Variants in MYH15 observed in about 807,000 individuals in gnomAD.
MYH15 encodes myosin heavy chain 15.
Under a neutral mutation model 240.5 loss-of-function variants are expected in MYH15, and 227 were observed. The observed-to-expected ratio is 0.94, with a 90% CI of 0.85 to 1.05. MYH15 has a LOEUF of 1.05. MYH15 is among the 50% of genes least tolerant of loss of function. The pLI is 0.00. For synonymous variants in MYH15, 785 were observed against 796.7 expected (o/e 0.99, Z 0.25); for missense variants, 2,217 against 2,247.5 (o/e 0.99, Z 0.27).
At chr3:108,470,347 A>G in intron 13 of MYH15, 135 bp from the exon 14 acceptor site, 1 of 593,752 alleles carries the variant, frequency 1.7e-6, no homozygotes, top group East Asian at 3.0e-5. Flanking sequence ...CAAATGCTCA[A>G]TTAACTTAAT....
intron 1 of MYH15, among the ~76,000 whole-genome samples, chr3:108,518,292 C>T (rs2083589880): frequency 6.6e-6 from 1 of 152,180 alleles, no homozygotes. Flanking sequence ...TTGTTTCCTA[C>T]TTTGTTCACC....
chr3:108,466,621 G>A (rs1454998111), intron 14 of MYH15, among the ~76,000 whole-genome samples: 3 of 152,066 alleles, frequency 2.0e-5, no homozygotes, highest in Admixed American at 6.6e-5. Flanking sequence ...CTGAGTAACG[G>A]GTTTCATTTC....
chr3:108,425,509 T>A (rs1048850647), intron 27 of MYH15, among the ~76,000 whole-genome samples: 2 of 152,168 alleles, frequency 1.3e-5, no homozygotes, highest in African/African-American at 2.4e-5. Flanking sequence ...GGAATGGGAA[T>A]GGAAAACTAT....
intron 35 of MYH15, among the ~76,000 whole-genome samples, chr3:108,396,771 C>G (rs538875510): frequency 1.3e-5 from 2 of 152,222 alleles, no homozygotes; most frequent in Non-Finnish European, 2.9e-5. Context: ...ACATGGTACC[C>G]AGACGGGATT....
chr3:108,450,993 G>T (rs930943542), intron 21 of MYH15, among the ~76,000 whole-genome samples: 3 of 151,678 alleles, frequency 2.0e-5, no homozygotes, highest in Non-Finnish European at 4.4e-5. Context: ...AAGGAGAGAA[G>T]CCACAAAAAA....
intron 1 of MYH15, among the ~76,000 whole-genome samples, chr3:108,518,819 C>T (rs1044189777): frequency 6.6e-6 from 1 of 152,224 alleles, no homozygotes; most frequent in Non-Finnish European, 1.5e-5. Flanking sequence ...GTTCTGTCAG[C>T]TAGATGTGTT....
intron 1 of MYH15, among the ~76,000 whole-genome samples, chr3:108,517,982 T>C (rs1454196): frequency 0.43 from 65,312 of 151,936 alleles, 14,969 homozygotes; most frequent in East Asian, 0.63. Context: ...AACGCTCTCA[T>C]CTACATTTGT....
chr3:108,415,878 G>A (rs2107551381), intron 29 of MYH15, among the ~76,000 whole-genome samples: 1 of 152,236 alleles, frequency 6.6e-6, no homozygotes, highest in Non-Finnish European at 1.5e-5. Flanking sequence ...TAGGCCAATT[G>A]GAAGTCACTG....
intron 27 of MYH15, among the ~76,000 whole-genome samples, chr3:108,421,834 C>T (rs1006813437): frequency 1.3e-5 from 2 of 152,216 alleles, no homozygotes; most frequent in African/African-American, 4.8e-5. Context: ...ATCACTATGG[C>T]TACAATCTCA....
At chr3:108,383,534 T>G in intron 40 of MYH15, 61 bp downstream of exon 40, 187 of 1,542,548 alleles carry the variant, frequency 1.2e-4, no homozygotes, top group Middle Eastern at 1.7e-4. Context: ...GTCCATGCAA[T>G]GACATCAGCC....
chr3:108,513,927 C>A (rs376667592), upstream of MYH15, among the ~76,000 whole-genome samples: 90 of 152,244 alleles, frequency 5.9e-4, no homozygotes, highest in South Asian at 9.1e-3. Flanking sequence ...TAGAGTTCAC[C>A]TTTACAGGGA....
chr3:108,520,277 T>C (rs74807607), intron 1 of MYH15, among the ~76,000 whole-genome samples: 2,581 of 152,328 alleles, frequency 0.017, 44 homozygotes, highest in Admixed American at 0.031. Flanking sequence ...CATCTTTTTC[T>C]TAAAATATTT....
At chr3:108,406,125 A>C (rs1321160305) in intron 32 of MYH15, among the ~76,000 whole-genome samples, 1 of 152,240 alleles carries the variant, frequency 6.6e-6, no homozygotes, top group Non-Finnish European at 1.5e-5. Flanking sequence ...AAGGCAATTC[A>C]ATTCTAAAAG....
intron 27 of MYH15, 24 bp downstream of exon 27, chr3:108,428,468 C>G (rs536422093): frequency 1.9e-6 from 3 of 1,578,372 alleles, no homozygotes; most frequent in African/African-American, 1.4e-5. Context: ...CAGAAGACCA[C>G]GAGGATGGCA....
chr3:108,526,514 G>C (rs1355089221), intron 1 of MYH15, among the ~76,000 whole-genome samples: 1 of 152,154 alleles, frequency 6.6e-6, no homozygotes, highest in African/African-American at 2.4e-5. Flanking sequence ...TGGTGAATAA[G>C]GAAGGTACCT....
Position 108,399,223 on chromosome 3 carries a change from T to G in MYH15, c.4781A>C (p.Asp1594Ala), listed in dbSNP as rs746834075. 17 of 1,614,086 alleles carry G rather than the reference T, an allele frequency of 1.1e-5. No homozygotes were observed. Among genetic ancestry groups the G allele is most frequent in the Non-Finnish European group, 1.4e-5 (17 of 1,180,028 alleles). The change falls in exon 34 of 41, where the codon GAT becomes GCT. Residue 1594 changes from aspartate to alanine, a missense_variant. Transcript: ENST00000693548. Reference sequence around the variant, plus strand: ...CTCAATTCTGCTCTTAGCTTCAGAATCCAGACTAGACTGCAGGGAGTCAAT... The same window carrying G: ...CTCAATTCTGCTCTTAGCTTCAGAAGCCAGACTAGACTGCAGGGAGTCAAT... The part of the protein sequence containing the change: ...CTIDSLQSSL[D>A]SEAKSRIEVT...
chr3:108,420,240 T>C (rs1002659276), intron 28 of MYH15, among the ~76,000 whole-genome samples: 5 of 152,338 alleles, frequency 3.3e-5, no homozygotes, highest in Middle Eastern at 3.4e-3. Flanking sequence ...CCAGGCAGTG[T>C]TCTAGATGAT....
intron 1 of MYH15, among the ~76,000 whole-genome samples, chr3:108,509,050 T>A (rs970571923): frequency 6.6e-6 from 1 of 152,096 alleles, no homozygotes; most frequent in Admixed American, 6.6e-5. Flanking sequence ...CCAGAGATGG[T>A]CAAGGACAGG....
intron 33 of MYH15, among the ~76,000 whole-genome samples, chr3:108,403,759 T>A (rs1398117218): frequency 2.0e-5 from 3 of 152,166 alleles, no homozygotes; most frequent in East Asian, 3.8e-4. Context: ...CCCCTTCTTT[T>A]CTCAGCTCCT....
Sources: allele counts gnomAD v4.1 joint callset (sites outside exome capture counted in the v4.1 genomes callset), GRCh38; gene constraint gnomAD v4.1.1; transcripts MANE v1.5; gene names NCBI Gene and HGNC (gene_info 2026-07-23, HGNC 2026-07-21).